Variants in MROH7 observed in about 807,000 individuals in gnomAD.
MROH7 encodes maestro heat-like repeat-containing protein family member 7.
Under a neutral mutation model 129.2 loss-of-function variants are expected in MROH7, and 113 were observed. That is an observed-to-expected ratio of 0.87 (90% CI 0.75 to 1.02). The LOEUF is 1.02. Among genes scored for constraint, MROH7 ranks in the 50% least tolerant of loss-of-function variants. The pLI is 0.00. For synonymous variants in MROH7, 655 were observed against 667.9 expected (o/e 0.98, Z 0.30); for missense variants, 1,601 against 1,671.3 (o/e 0.96, Z 0.73).
intron 17 of MROH7, among the ~76,000 whole-genome samples, chr1:54,696,784 G>C (rs2101192259): frequency 7.2e-6 from 1 of 138,756 alleles, no homozygotes; most frequent in East Asian, 2.2e-4. Flanking sequence ...CAATTCTTCT[G>C]TCTCAGCCTC....
At chr1:54,692,048 G>A (rs934082319) in intron 15 of MROH7, among the ~76,000 whole-genome samples, 8 of 152,156 alleles carry the variant, frequency 5.3e-5, no homozygotes, top group African/African-American at 1.9e-4. Context: ...CTGCTGCTGG[G>A]TATGCAGTTT....
Position 54,700,113 on chromosome 1 carries a change from G to T in MROH7, c.2965-208G>T, listed in dbSNP as rs1292661912. 10 of 728,934 alleles carry T rather than the reference G, an allele frequency of 1.4e-5. No individual in the cohort carries two copies. In the East Asian group the frequency reaches 2.1e-4, roughly 16 times the overall value. The allele number at this position is 728,934 out of a possible 1,614,324, so 45.2% of individuals were successfully genotyped here. On this transcript the variant is annotated intron_variant, in intron 17 of 23. Coordinates refer to ENST00000421030, the MANE Select transcript of MROH7 (RefSeq NM_001039464.4). ...AAGGCAACAACAAGCAGTCACAGGG[G>T]CTCGGAGCTGGAGAGTGACACACTC...
chr1:54,647,989 C>T (rs1417637595), intron 1 of MROH7, among the ~76,000 whole-genome samples: 2 of 151,190 alleles, frequency 1.3e-5, no homozygotes, highest in African/African-American at 2.4e-5. Flanking sequence ...GTTCCACTGC[C>T]ATTTGTTGAA....
chr1:54,648,685 A>C (rs532432028), intron 1 of MROH7, among the ~76,000 whole-genome samples: 2 of 151,824 alleles, frequency 1.3e-5, no homozygotes, highest in Non-Finnish European at 2.9e-5. Flanking sequence ...TTTTGAAGGA[A>C]GATCTCTATG....
chr1:54,688,571 T>G (rs761105200), intron 15 of MROH7, among the ~76,000 whole-genome samples: 36 of 152,268 alleles, frequency 2.4e-4, no homozygotes, highest in Admixed American at 5.9e-4. Context: ...GAATGTTGTA[T>G]TTTGGGTAAA....
At chr1:54,699,160 TTTCTTTC>T (rs1557727241) in intron 17 of MROH7, 1 of 20,998 alleles carries the variant, frequency 4.8e-5, no homozygotes, top group Non-Finnish European at 1.2e-4. Context: ...CTTTCTTTCT[TTTCTTTC>T]TTTCTTTCTT....
At position 54,680,103 on chromosome 1, in the gene MROH7, C is replaced by A. The variant is rs562941897; in HGVS notation, c.2381+58C>A. 93 of 1,567,476 alleles carry A rather than the reference C, an allele frequency of 5.9e-5. 1 individual carries two copies. In the Middle Eastern group the frequency reaches 6.8e-4, roughly 11 times the overall value. On this transcript the variant is annotated intron_variant, in intron 13 of 23. Transcript: ENST00000421030. ...CTTACAGGGTTCAAGCAGCCCCCAC[C>A]CCAGGTTGGGGACCCCCTTCTGCCC...
intron 13 of MROH7, among the ~76,000 whole-genome samples, chr1:54,680,756 C>T (rs1645056666): frequency 6.6e-6 from 1 of 152,026 alleles, no homozygotes; most frequent in South Asian, 2.1e-4. Flanking sequence ...GTGAGTGATC[C>T]ACACCTTCGG....
intron 1 of MROH7, among the ~76,000 whole-genome samples, chr1:54,648,078 C>A (rs531820598): frequency 6.6e-6 from 1 of 151,940 alleles, no homozygotes; most frequent in South Asian, 2.1e-4. Flanking sequence ...GAGATAGAGT[C>A]TTATTATGTT....
intron 22 of MROH7, among the ~76,000 whole-genome samples, chr1:54,708,265 A>G (rs966882204): frequency 6.6e-6 from 1 of 152,180 alleles, no homozygotes; most frequent in African/African-American, 2.4e-5. Context: ...CAAAAAACAG[A>G]TACTTAAAAA....
intron 17 of MROH7, chr1:54,698,087 C>T (rs1645351104): frequency 5.5e-6 from 1 of 181,168 alleles, no homozygotes; most frequent in Non-Finnish European, 1.2e-5. Context: ...ATGCCCCTTT[C>T]ACCCTCGTCC....
At chr1:54,650,913 C>A (rs2101061403) in intron 1 of MROH7, among the ~76,000 whole-genome samples, 1 of 152,110 alleles carries the variant, frequency 6.6e-6, no homozygotes, top group East Asian at 1.9e-4. Flanking sequence ...TTTGTAGGGA[C>A]AGAGTCTCAT....
At chr1:54,645,687 C>G (rs1303076029) in intron 1 of MROH7, among the ~76,000 whole-genome samples, 17 of 144,662 alleles carry the variant, frequency 1.2e-4, no homozygotes, top group Admixed American at 6.6e-4. Flanking sequence ...AACTCTCTCC[C>G]TGTTGTCCGG....
intron 17 of MROH7, 146 bp from the exon 18 acceptor site, chr1:54,700,175 G>A (rs1464547015): frequency 2.0e-6 from 2 of 1,021,148 alleles, no homozygotes; most frequent in African/African-American, 3.2e-5. Context: ...ATCAGACGGA[G>A]ACTTCCAGCA....
Position 54,700,601 on chromosome 1 carries a change from T to C in MROH7, c.3105+140T>C, listed in dbSNP as rs1230167887. ...ATCTTAGCCTCAGTTGTCCCATCTGTAAAATAGATATCCTTTAAAAATCTA... is the reference window on the plus strand; with the variant it reads ...ATCTTAGCCTCAGTTGTCCCATCTGCAAAATAGATATCCTTTAAAAATCTA... On this transcript the variant is annotated intron_variant, in intron 18 of 23. Transcript: ENST00000421030. 4.0e-6 allele frequency: 3 copies of C among 746,080 alleles called. No individual in the cohort carries two copies. In the African/African-American group the frequency reaches 5.3e-5, roughly 13 times the overall value. 46.2% of individuals were successfully genotyped at this position (746,080 alleles called of 1,614,324 possible).
At chr1:54,668,409 C>T (rs1042642830) in intron 4 of MROH7, among the ~76,000 whole-genome samples, 19 of 152,310 alleles carry the variant, frequency 1.2e-4, no homozygotes, top group African/African-American at 4.3e-4. Flanking sequence ...TATTTTCCTT[C>T]TTCTCCCTTA....
chr1:54,673,212 G>A (rs1055971251), intron 8 of MROH7, 26 bp downstream of exon 8: 3 of 1,559,684 alleles, frequency 1.9e-6, no homozygotes, highest in Non-Finnish European at 1.8e-6. Context: ...GGGCAAGGAA[G>A]GGAGGGGAGG....
chr1:54,667,369 C>T (rs1209749689), intron 4 of MROH7, among the ~76,000 whole-genome samples: 1 of 137,768 alleles, frequency 7.3e-6, no homozygotes, highest in African/African-American at 2.6e-5. Flanking sequence ...ACCTGTAATC[C>T]CAGTACTTTG....
chr1:54,682,753 C>T lies in MROH7; in HGVS notation c.2479C>T (p.Pro827Ser). 2 of 1,613,996 alleles carry T rather than the reference C, an allele frequency of 1.2e-6. No homozygotes were observed. Among genetic ancestry groups the T allele is most frequent in the Non-Finnish European group, 1.7e-6 (2 of 1,180,014 alleles). ...DLLLGSLKEK[P>S]VTKEGRASIV... Reference sequence around the variant, plus strand: ...GCTCCTGGGCAGCCTGAAGGAGAAGCCCGTCACCAAGGAGGGCCGGGCTTC... The same window carrying T: ...GCTCCTGGGCAGCCTGAAGGAGAAGTCCGTCACCAAGGAGGGCCGGGCTTC... The change falls in exon 14 of 24, where the codon CCC (proline) becomes TCC (serine). Residue 827 changes from proline (P) to serine (S), a missense_variant. Physicochemically the swap from Pro to Ser is moderately conservative, Grantham distance 74. Transcript: ENST00000421030.
Sources: gnomAD v4.1 joint callset for allele counts (sites outside exome capture counted in the v4.1 genomes callset) on GRCh38, gnomAD v4.1.1 for gene constraint, MANE v1.5 for transcripts, NCBI Gene and HGNC (gene_info 2026-07-23, HGNC 2026-07-21) for gene names.